USH2A: variants seen among roughly 807,000 people sequenced by gnomAD.
The protein encoded by USH2A is usherin, also known as Usher syndrome 2A (autosomal recessive, mild).
Under a neutral mutation model 538.9 loss-of-function variants are expected in USH2A, and 443 were observed. The ratio of observed to expected loss-of-function variants is 0.82; its 90% confidence interval spans 0.76 to 0.89. The LOEUF (loss-of-function observed/expected upper bound fraction) is 0.89, where lower values mean the gene tolerates loss of function less well. USH2A is among the 40% of genes least tolerant of loss of function. The pLI is 0.00. For missense variants in USH2A, 6,633 were observed against 6,324.8 expected (o/e 1.05, Z -1.65); for synonymous variants, 2,413 against 2,273.5 (o/e 1.06, Z -1.75).
chr1:215,924,661 A>AG (rs1347287073), intron 38 of USH2A, among the ~76,000 whole-genome samples: 5 of 152,076 alleles, frequency 3.3e-5, no homozygotes, highest in Non-Finnish European at 7.4e-5. Context: ...AGAAAAAAAA[A>AG]GAAAATGAAT....
chr1:215,867,249 C>T, intron 43 of USH2A, 79 bp from the exon 44 acceptor site: 1 of 1,473,580 alleles, frequency 6.8e-7, no homozygotes, highest in East Asian at 2.5e-5. Context: ...TTTTTTTCTT[C>T]ACAAAATACA....
In USH2A at chr1:216,282,200, T is replaced by C. The variant is rs190719327; in HGVS notation, c.1971+7080A>G. ...CTTTGGGTTGTTTATTTCACTTTCT[T>C]GTTGGTGTGCTTTGAAATATTAATT... On this transcript the variant is annotated intron_variant, in intron 11 of 71. Transcript: ENST00000307340. Among the ~76,000 whole-genome samples the C allele has an allele frequency of 4.9e-3, 752 of 152,268 alleles. 7 individuals are homozygous for C. Among genetic ancestry groups the C allele is most frequent in the African/African-American group, 0.018 (733 of 41,554 alleles).
At chr1:215,758,387 A>ACATCT (rs1348093087) in intron 58 of USH2A, among the ~76,000 whole-genome samples, 1 of 152,112 alleles carries the variant, frequency 6.6e-6, no homozygotes, top group Non-Finnish European at 1.5e-5. Flanking sequence ...ATCTACATCG[A>ACATCT]CATCTAGATA....
At chr1:216,297,222 C>T (rs1029721972) in intron 9 of USH2A, among the ~76,000 whole-genome samples, 4 of 151,912 alleles carry the variant, frequency 2.6e-5, no homozygotes, top group Non-Finnish European at 4.4e-5. Flanking sequence ...GCTGTAAAGA[C>T]CAATCAGTTA....
chr1:216,286,831 T>A (rs1387617010), intron 11 of USH2A, among the ~76,000 whole-genome samples: 6 of 152,208 alleles, frequency 3.9e-5, no homozygotes. Context: ...CATGGGGTAC[T>A]GTATTTACTA....
chr1:215,693,000 C>A (rs1182753733), intron 61 of USH2A, among the ~76,000 whole-genome samples: 1 of 151,312 alleles, frequency 6.6e-6, no homozygotes, highest in Non-Finnish European at 1.5e-5. Context: ...GTCTCCAAGA[C>A]TCAAACAATC....
chr1:216,150,295 T>A (rs2033806293), intron 21 of USH2A, among the ~76,000 whole-genome samples: 1 of 152,152 alleles, frequency 6.6e-6, no homozygotes, highest in South Asian at 2.1e-4. Context: ...AGTGGATAGA[T>A]GATCTTTGCT....
At chr1:215,725,443 C>A (rs114746598) in intron 61 of USH2A, among the ~76,000 whole-genome samples, 1 of 152,188 alleles carries the variant, frequency 6.6e-6, no homozygotes, top group African/African-American at 2.4e-5. Context: ...GTCATAGTTG[C>A]CCTGATGCCC....
chr1:215,732,913 T>G (rs1660047560), intron 60 of USH2A, among the ~76,000 whole-genome samples: 1 of 152,122 alleles, frequency 6.6e-6, no homozygotes, highest in Non-Finnish European at 1.5e-5. Context: ...TTCCAGAAAG[T>G]CTTTTCCTTG....
chr1:215,981,788 G>T (rs573536098), intron 35 of USH2A, among the ~76,000 whole-genome samples: 1 of 152,106 alleles, frequency 6.6e-6, no homozygotes, highest in African/African-American at 2.4e-5. Flanking sequence ...GCAAGGAATG[G>T]ATATTAATCA....
At chr1:215,844,624 T>TA in intron 45 of USH2A, 128 bp from the exon 46 acceptor site, 1 of 946,654 alleles carries the variant, frequency 1.1e-6, no homozygotes. Context: ...CTGATGAAGT[T>TA]ATCACAGTCT....
rs576784688 is a variant in USH2A, at chr1:216,039,992, T to C, written c.6325+6439A>G. Among the ~76,000 whole-genome samples, 4 of 151,732 alleles carry C rather than the reference T, an allele frequency of 2.6e-5. No individual in the cohort carries two copies. In the East Asian group the frequency reaches 7.8e-4, roughly 29 times the overall value. ...AGAATTCATCCACTTTTCCTCCCTC[T>C]TTCCCCCTGCCCACATCTGCCTTTC... On this transcript the variant is annotated intron_variant, in intron 32 of 71. Coordinates refer to ENST00000307340, the MANE Select transcript of USH2A (RefSeq NM_206933.4).
chr1:216,048,769 A>G lies in USH2A; in HGVS notation c.6050-122T>C, dbSNP rs563533064. 203 of 859,338 alleles carry G rather than the reference A, an allele frequency of 2.4e-4. 1 individual carries two copies. The highest frequency in any genetic ancestry group is 1.1e-3 in the Middle Eastern group (5 of 4,434). 53.2% of individuals were successfully genotyped at this position (859,338 alleles called of 1,614,324 possible). ...AGACAAAAACAAAGAGACCAGAGAC[A>G]GAAATCAAAAACATATTCCTCTTTC... On this transcript the variant is annotated intron_variant, in intron 30 of 71. Coordinates refer to ENST00000307340, the MANE Select transcript of USH2A (RefSeq NM_206933.4).
chr1:216,222,615 T>A (rs1197038719), intron 14 of USH2A, among the ~76,000 whole-genome samples: 1 of 152,120 alleles, frequency 6.6e-6, no homozygotes, highest in African/African-American at 2.4e-5. Context: ...AGAAAACATG[T>A]AAGGACATAA....
intron 3 of USH2A, among the ~76,000 whole-genome samples, chr1:216,380,039 A>C (rs771310659): frequency 1.3e-5 from 2 of 152,212 alleles, no homozygotes; most frequent in African/African-American, 2.4e-5. Flanking sequence ...AAAACTGGAT[A>C]CTTATTGACT....
At position 216,250,922 on chromosome 1, in the gene USH2A, C is replaced by T; in HGVS notation, c.2148G>A (p.Lys716=). The part of the protein sequence containing the change: ...ITCHQNSGQC[K]CKANVIGLRC... Reference sequence around the variant, plus strand: ...ACGTACCAATAACGTTTGCTTTGCACTTGCACTGGCCTGAATTTTGGTGAC... The same window carrying T: ...ACGTACCAATAACGTTTGCTTTGCATTTGCACTGGCCTGAATTTTGGTGAC... Residue 716 remains lysine (K), a synonymous_variant, in exon 12 of 72, where the codon AAG becomes AAA. Coordinates refer to ENST00000307340, the MANE Select transcript of USH2A (RefSeq NM_206933.4). 1.2e-6 allele frequency: 2 copies of T among 1,613,996 alleles called. No homozygotes were observed. Among genetic ancestry groups the T allele is most frequent in the South Asian group, 2.2e-5 (2 of 91,070 alleles).
chr1:216,013,559 C>G (rs867231008), intron 32 of USH2A, among the ~76,000 whole-genome samples: 6 of 152,246 alleles, frequency 3.9e-5, no homozygotes, highest in Middle Eastern at 3.4e-3. Context: ...CATTCCACCA[C>G]GAAAGAAGTG....
At chr1:215,717,516 A>G (rs917848325) in intron 61 of USH2A, among the ~76,000 whole-genome samples, 2 of 152,174 alleles carry the variant, frequency 1.3e-5, no homozygotes, top group African/African-American at 4.8e-5. Flanking sequence ...GCATGACAAA[A>G]TGATTGCTTA....
At chr1:216,031,312 C>G (rs1669116700) in intron 32 of USH2A, among the ~76,000 whole-genome samples, 1 of 152,028 alleles carries the variant, frequency 6.6e-6, no homozygotes, top group Admixed American at 6.6e-5. Context: ...GTATCTACAG[C>G]AAGGTTAATG....
Sources: gnomAD v4.1 joint callset for allele counts (sites outside exome capture counted in the v4.1 genomes callset) on GRCh38, gnomAD v4.1.1 for gene constraint, MANE v1.5 for transcripts, NCBI Gene and HGNC (gene_info 2026-07-23, HGNC 2026-07-21) for gene names.